Variants in CLUL1 observed in about 807,000 individuals in gnomAD.
CLUL1 encodes clusterin like 1, also known as clusterin-like protein 1.
Under a neutral mutation model 49.4 loss-of-function variants are expected in CLUL1, and 43 were observed. The ratio of observed to expected loss-of-function variants is 0.87; its 90% CI spans 0.68 to 1.12. The LOEUF (loss-of-function observed/expected upper bound fraction) is 1.12. Ranked by LOEUF, CLUL1 falls within the 50% of genes most tolerant of loss-of-function variation. CLUL1 has a pLI of 0.00. For synonymous variants in CLUL1, 192 were observed against 184.9 expected (o/e 1.04, Z -0.31); for missense variants, 486 against 544.4 (o/e 0.89, Z 1.07).
chr18:619,779 C>T (rs111421021), intron 4 of CLUL1, among the ~76,000 whole-genome samples: 37 of 151,984 alleles, frequency 2.4e-4, no homozygotes, highest in African/African-American at 5.8e-4. Context: ...GAGTTGATCC[C>T]GCTCATTGCA....
In CLUL1 at chr18:632,986, A is replaced by G. The variant is rs138259700; in HGVS notation, c.857-312A>G. ...GGCCTGGACAACATGGCGCAACCCC[A>G]TCTCTACTAAAAGTACAAAGATTAG... On this transcript the variant is annotated intron_variant, in intron 6 of 9. Coordinates refer to ENST00000692774, the MANE Select transcript of CLUL1 (RefSeq NM_001393344.1). 2.4e-4 allele frequency among the ~76,000 whole-genome samples: 36 copies of G among 152,168 alleles called. 1 individual carries two copies. The East Asian group carries it at 6.8e-3, about 29-fold the overall frequency.
At chr18:620,721 A>G (rs573106314) in intron 4 of CLUL1, among the ~76,000 whole-genome samples, 12 of 152,340 alleles carry the variant, frequency 7.9e-5, no homozygotes, top group African/African-American at 2.9e-4. Context: ...TGGAGAATAC[A>G]TATTATATTC....
At position 624,942 on chromosome 18, in the gene CLUL1, T is replaced by C. The variant is rs767718294; in HGVS notation, c.333T>C (p.Asp111=). 1.9e-6 allele frequency: 3 copies of C among 1,614,026 alleles called. No individual in the cohort carries two copies. The Admixed American group carries it at 5.0e-5, about 27-fold the overall frequency. Residue 111 remains aspartate, a synonymous_variant, in exon 5 of 10, where the codon GAT becomes GAC. Transcript: ENST00000692774. ...EERLCRESLA[D]SWGECRSCLE... is the part of the protein sequence containing the mutation. The stretch of plus-strand genomic sequence containing the variant: ...GGCTATGCCGGGAGTCTTTGGCAGA[T>C]TCCTGGGGTGAATGCAGGTCTTGCC...
chr18:640,840 ATCT>A (rs554528890), intron 7 of CLUL1, among the ~76,000 whole-genome samples: 1 of 152,174 alleles, frequency 6.6e-6, no homozygotes, highest in East Asian at 1.9e-4. Context: ...AACATCACAA[ATCT>A]TTTTTTTTTC....
rs1440003473 is a variant in CLUL1, at chr18:645,805, AAAAAAATATATATATAT to A, written c.1397+710_1397+726del. 1.2e-4 allele frequency among the ~76,000 whole-genome samples: 6 copies of A among 51,434 alleles called. 1 individual carries two copies. Among genetic ancestry groups the A allele is most frequent in the African/African-American group, 3.8e-4 (5 of 13,176 alleles). The allele number at this position is 51,434 out of a possible 152,430, so 33.7% of individuals were successfully genotyped here. A position where few individuals can be genotyped will look rare whatever the true frequency, so the allele number is the denominator to read the frequency against. On this transcript the variant is annotated intron_variant, in intron 9 of 9. Transcript: ENST00000692774. ...CGAGACTCTGTTTAAAAAAAAAAAA[AAAAAAATATATATATAT>A]ATATATATATATATATATATATATA...
chr18:645,127 T>G (rs374106735), intron 9 of CLUL1, 30 bp downstream of exon 9: 3 of 1,495,592 alleles, frequency 2.0e-6, no homozygotes, highest in African/African-American at 2.9e-5. Context: ...AGGAATGCCT[T>G]GTTGACAGGA....
At chr18:599,153 A>G (rs1340689652) in intron 1 of CLUL1, among the ~76,000 whole-genome samples, 1 of 152,244 alleles carries the variant, frequency 6.6e-6, no homozygotes, top group Non-Finnish European at 1.5e-5. Context: ...AATTACATAG[A>G]AGCAAAGTAA....
At chr18:644,823 G>A (rs2074426954) in intron 8 of CLUL1, 87 bp from the exon 9 acceptor site, 1 of 1,010,732 alleles carries the variant, frequency 9.9e-7, no homozygotes, top group Non-Finnish European at 1.4e-6. Context: ...GCACAACCCA[G>A]CCTATCCTGA....
intron 9 of CLUL1, among the ~76,000 whole-genome samples, chr18:647,071 A>G (rs2074528930): frequency 6.6e-6 from 1 of 152,164 alleles, no homozygotes; most frequent in Non-Finnish European, 1.5e-5. Flanking sequence ...TCTTAAAAAT[A>G]CATCAATTAA....
chr18:628,056 A>T (rs1441311059), intron 6 of CLUL1, among the ~76,000 whole-genome samples: 2 of 152,256 alleles, frequency 1.3e-5, no homozygotes, highest in East Asian at 3.9e-4. Flanking sequence ...CAAACTCCCG[A>T]CCTCAGGTGA....
intron 2 of CLUL1, among the ~76,000 whole-genome samples, chr18:615,802 A>G (rs2073269634): frequency 6.6e-6 from 1 of 152,150 alleles, no homozygotes; most frequent in Non-Finnish European, 1.5e-5. Context: ...TAAAAGAGGG[A>G]ATTAGTGGGT....
chr18:639,288 G>A (rs1189580547), intron 7 of CLUL1, among the ~76,000 whole-genome samples: 2 of 151,728 alleles, frequency 1.3e-5, no homozygotes, highest in African/African-American at 2.4e-5. Flanking sequence ...AATATTAGCT[G>A]GTCATGGTGG....
chr18:616,348 G>A (rs476590), intron 2 of CLUL1, among the ~76,000 whole-genome samples: 143,575 of 152,280 alleles, frequency 0.94, 68,259 homozygotes, highest in East Asian at 1. Context: ...TACACTTTTC[G>A]AACTGTTTTA....
At chr18:621,454 C>G (rs2073485728) in intron 4 of CLUL1, among the ~76,000 whole-genome samples, 1 of 152,192 alleles carries the variant, frequency 6.6e-6, no homozygotes, top group Admixed American at 6.5e-5. Context: ...AGGAGAATGC[C>G]TGACCAGCAG....
chr18:616,355 T>G (rs1005585682), intron 2 of CLUL1, among the ~76,000 whole-genome samples: 1 of 152,194 alleles, frequency 6.6e-6, no homozygotes, highest in Non-Finnish European at 1.5e-5. Flanking sequence ...TTCGAACTGT[T>G]TTATCTAAGA....
intron 7 of CLUL1, among the ~76,000 whole-genome samples, chr18:636,624 CTTTTTTT>C (rs68150473): frequency 8.2e-6 from 1 of 122,066 alleles, no homozygotes; most frequent in African/African-American, 3.1e-5. Context: ...CCCTTTCTCT[CTTTTTTT>C]TTTTTTTTTT....
Position 641,458 on chromosome 18 carries a change from GAGA to G in CLUL1, c.1130_1132del (p.Lys377del). 1 of 1,614,200 alleles carries G rather than the reference GAGA, an allele frequency of 6.2e-7. No homozygotes were observed. Among genetic ancestry groups the G allele is most frequent in the Non-Finnish European group, 8.5e-7 (1 of 1,180,040 alleles). ...CTTGGAGGACACCGCCTATCTGGTG[GAGA>G]AGATGAGAGGGCAATTTGGCTGGGT... is the stretch of plus-strand genomic sequence containing the variant. On this transcript the variant is annotated inframe_deletion, in exon 8 of 10. Coordinates refer to ENST00000692774, the MANE Select transcript of CLUL1 (RefSeq NM_001393344.1).
intron 6 of CLUL1, among the ~76,000 whole-genome samples, chr18:629,503 C>G (rs1486014816): frequency 4.6e-5 from 7 of 152,272 alleles, no homozygotes; most frequent in African/African-American, 1.7e-4. Context: ...TTTTCAACCA[C>G]TGTAACCCCC....
intron 1 of CLUL1, among the ~76,000 whole-genome samples, chr18:603,957 T>C (rs1308674632): frequency 6.6e-6 from 1 of 152,216 alleles, no homozygotes; most frequent in East Asian, 1.9e-4. Flanking sequence ...CTTGGCTCAT[T>C]GCAGCCTCCA....
Sources: allele counts gnomAD v4.1 joint callset (sites outside exome capture counted in the v4.1 genomes callset), GRCh38; gene constraint gnomAD v4.1.1; transcripts MANE v1.5; gene names NCBI Gene and HGNC (gene_info 2026-07-23, HGNC 2026-07-21).